Variants in PLCB1 observed in about 807,000 individuals in gnomAD.
The protein encoded by PLCB1 is 1-phosphatidylinositol 4,5-bisphosphate phosphodiesterase beta-1.
In PLCB1, 46 loss-of-function variants were observed where a neutral mutation model predicts 161.8. The observed-to-expected ratio is 0.28, with a 90% CI of 0.22 to 0.36. The LOEUF is 0.36. PLCB1 is among the 10% of genes least tolerant of loss of function. The pLI is 1.00. For synonymous variants in PLCB1, 517 were observed against 503.7 expected (o/e 1.03, Z -0.35); for missense variants, 1,016 against 1,472.5 (o/e 0.69, Z 5.07).
At chr20:8,796,391 A>G (rs1340840683) in intron 31 of PLCB1, among the ~76,000 whole-genome samples, 1 of 152,202 alleles carries the variant, frequency 6.6e-6, no homozygotes, top group East Asian at 1.9e-4. Flanking sequence ...TTGGGAGAGA[A>G]AAGGCAAACT....
intron 31 of PLCB1, among the ~76,000 whole-genome samples, chr20:8,865,842 G>C (rs8182972): frequency 1.3e-5 from 2 of 151,988 alleles, no homozygotes; most frequent in African/African-American, 4.8e-5. Flanking sequence ...CTGCACCCAG[G>C]CACAGCAGAC....
At chr20:8,453,846 G>A (rs1023568198) in intron 3 of PLCB1, among the ~76,000 whole-genome samples, 2 of 152,214 alleles carry the variant, frequency 1.3e-5, no homozygotes, top group Non-Finnish European at 2.9e-5. Context: ...TAAAAGGCAT[G>A]TGCTGAAGCC....
chr20:8,651,479 C>G (rs200133235), intron 7 of PLCB1: 9 of 724,898 alleles, frequency 1.2e-5, no homozygotes, highest in Admixed American at 5.8e-5. Context: ...AAAACATTTT[C>G]ACCTTCATTT....
At chr20:8,712,666 A>C (rs761327080) in intron 12 of PLCB1, among the ~76,000 whole-genome samples, 30 of 152,382 alleles carry the variant, frequency 2.0e-4, no homozygotes, top group Non-Finnish European at 3.4e-4. Flanking sequence ...AATTTTGAAC[A>C]AGGTTCTTAA....
At chr20:8,703,219 T>C (rs1978467031) in intron 11 of PLCB1, among the ~76,000 whole-genome samples, 1 of 152,226 alleles carries the variant, frequency 6.6e-6, no homozygotes, top group South Asian at 2.1e-4. Flanking sequence ...AGGGTGGTTG[T>C]AAGTAAGCAT....
At chr20:8,628,949 T>A (rs866131529) in intron 4 of PLCB1, among the ~76,000 whole-genome samples, 4 of 151,440 alleles carry the variant, frequency 2.6e-5, no homozygotes, top group Non-Finnish European at 5.9e-5. Flanking sequence ...AAAAAATAAA[T>A]AAATAAAGAG....
rs375529904 is a variant in PLCB1, at chr20:8,881,604, C to G, written c.3424-18C>G. On this transcript the variant is annotated intron_variant, in intron 31 of 31. Coordinates refer to ENST00000338037, the MANE Select transcript of PLCB1 (RefSeq NM_015192.4). ...ACATAAACAACTTCAAGTCATCTCC[C>G]CTCTTGATGTCTCTCAGCTGCAGGT... 2 of 1,587,990 alleles carry G rather than the reference C, an allele frequency of 1.3e-6. No homozygotes were observed. The highest frequency in any genetic ancestry group is 1.7e-6 in the Non-Finnish European group (2 of 1,156,402).
intron 3 of PLCB1, among the ~76,000 whole-genome samples, chr20:8,428,183 GA>G (rs1187594166): frequency 1.3e-5 from 2 of 151,414 alleles, no homozygotes; most frequent in Non-Finnish European, 2.9e-5. Context: ...AAAAAGAAAA[GA>G]AAAAATCTGA....
intron 3 of PLCB1, among the ~76,000 whole-genome samples, chr20:8,588,008 A>G (rs1007133338): frequency 1.3e-5 from 2 of 152,220 alleles, no homozygotes; most frequent in African/African-American, 4.8e-5. Context: ...TCTGTACCAG[A>G]CTGACGTGTA....
intron 3 of PLCB1, among the ~76,000 whole-genome samples, chr20:8,627,768 A>G (rs919342728): frequency 1.3e-5 from 2 of 152,244 alleles, no homozygotes; most frequent in African/African-American, 2.4e-5. Context: ...ACTGAAATCA[A>G]CATATGCATG....
intron 3 of PLCB1, among the ~76,000 whole-genome samples, chr20:8,373,678 A>G (rs1986978541): frequency 1.3e-5 from 2 of 152,190 alleles, no homozygotes; most frequent in Admixed American, 1.3e-4. Flanking sequence ...AATATTAGCC[A>G]ATATTGTTGG....
chr20:8,678,892 G>A (rs1201916050), intron 9 of PLCB1, among the ~76,000 whole-genome samples: 1 of 152,162 alleles, frequency 6.6e-6, no homozygotes, highest in African/African-American at 2.4e-5. Context: ...CATGAAATTA[G>A]TGTGTCCACT....
intron 2 of PLCB1, among the ~76,000 whole-genome samples, chr20:8,276,986 C>CTTCCTCTTA (rs869194352): frequency 1.1e-5 from 1 of 93,358 alleles, no homozygotes; most frequent in African/African-American, 4.4e-5. Flanking sequence ...TCTTCTTCTT[C>CTTCCTCTTA]TTATTATTAT....
intron 3 of PLCB1, among the ~76,000 whole-genome samples, chr20:8,432,543 G>A (rs1980095742): frequency 6.6e-6 from 1 of 152,158 alleles, no homozygotes; most frequent in Non-Finnish European, 1.5e-5. Flanking sequence ...CTGGGAGTGG[G>A]GGAGAAAATT....
At chr20:8,839,767 C>T (rs1986425969) in intron 31 of PLCB1, among the ~76,000 whole-genome samples, 1 of 147,496 alleles carries the variant, frequency 6.8e-6, no homozygotes, top group South Asian at 2.1e-4. Flanking sequence ...TGGCCAGGTG[C>T]GGTGGCTCAC....
At chr20:8,788,561 T>G (rs1480320971) in intron 28 of PLCB1, 36 bp downstream of exon 28, 1 of 1,602,336 alleles carries the variant, frequency 6.2e-7, no homozygotes, top group East Asian at 2.2e-5. Context: ...GACATGTGCA[T>G]CTGAATTTAT....
intron 27 of PLCB1, among the ~76,000 whole-genome samples, chr20:8,787,650 A>G (rs1983553003): frequency 6.6e-6 from 1 of 152,258 alleles, no homozygotes; most frequent in African/African-American, 2.4e-5. Flanking sequence ...GGAAAAGATT[A>G]CCAGGCACAA....
chr20:8,868,693 A>C (rs1023673391), intron 31 of PLCB1, among the ~76,000 whole-genome samples: 3 of 152,302 alleles, frequency 2.0e-5, no homozygotes, highest in Admixed American at 1.3e-4. Context: ...GTGCAGTGGC[A>C]CCATCTTGGC....
At chr20:8,740,242 T>G in intron 21 of PLCB1, 102 bp from the exon 22 acceptor site, 1 of 656,292 alleles carries the variant, frequency 1.5e-6, no homozygotes, top group Non-Finnish European at 2.6e-6. Flanking sequence ...GTTTTTCATC[T>G]AAAGTAACCT....
Sources: allele counts gnomAD v4.1 joint callset (sites outside exome capture counted in the v4.1 genomes callset), GRCh38; gene constraint gnomAD v4.1.1; transcripts MANE v1.5; gene names NCBI Gene and HGNC (gene_info 2026-07-23, HGNC 2026-07-21).